The following CNTNAP2 variants were observed in gnomAD, a reference collection of about 807,000 sequenced individuals.
CNTNAP2 encodes contactin associated protein 2, also known as contactin-associated protein-like 2.
In CNTNAP2, 98 loss-of-function variants were observed where a neutral mutation model predicts 155.2. That is an observed-to-expected ratio of 0.63 (90% CI 0.54 to 0.75). CNTNAP2 has a LOEUF of 0.75. Among genes scored for constraint, CNTNAP2 ranks in the 30% least tolerant of loss-of-function variants. The pLI is 0.00. For synonymous variants in CNTNAP2, 651 were observed against 631.2 expected, an observed-to-expected ratio of 1.03 and a Z score of -0.47; for missense variants, 1,727 against 1,688.1, an observed-to-expected ratio of 1.02 and a Z score of -0.40.
At chr7:146,191,600 A>T (rs1798706419) in intron 1 of CNTNAP2, among the ~76,000 whole-genome samples, 1 of 152,082 alleles carries the variant, frequency 6.6e-6, no homozygotes, top group Non-Finnish European at 1.5e-5. Flanking sequence ...CCTTATCTTC[A>T]ACCGTATCAA....
chr7:147,269,270 T>G lies in CNTNAP2; in HGVS notation c.1349-30871T>G, dbSNP rs544698835. On this transcript the variant is annotated intron_variant, in intron 8 of 23. Coordinates refer to ENST00000361727, the MANE Select transcript of CNTNAP2 (RefSeq NM_014141.6). The stretch of plus-strand genomic sequence containing the variant: ...TCTTTTTATGTATCTAGGGTAACTT[T>G]TAGGTTAAGAAAATGTTTTATTTAG... Among the ~76,000 whole-genome samples the G allele has an allele frequency of 2.8e-4, 43 of 152,304 alleles. No homozygotes were observed. The South Asian group carries it at 5.2e-3, about 18-fold the overall frequency.
At chr7:147,732,429 T>A (rs1415197374) in intron 13 of CNTNAP2, among the ~76,000 whole-genome samples, 3 of 152,132 alleles carry the variant, frequency 2.0e-5, no homozygotes, top group African/African-American at 7.2e-5. Flanking sequence ...CTTAATCCAG[T>A]CTATCATTGT....
At chr7:146,222,022 G>A (rs2116898608) in intron 1 of CNTNAP2, among the ~76,000 whole-genome samples, 1 of 152,282 alleles carries the variant, frequency 6.6e-6, no homozygotes, top group Middle Eastern at 3.4e-3. Context: ...GAAAAGGAAG[G>A]AAGAAGGTTT....
At position 146,878,234 on chromosome 7, in the gene CNTNAP2, T is replaced by G. The variant is rs535983406; in HGVS notation, c.402+38330T>G. ...TTGGCAGGCTGCTGACTTCTGTCAGTGACATTAATTGACTTCTTGTCCTTG... is the reference window on the plus strand; with the variant it reads ...TTGGCAGGCTGCTGACTTCTGTCAGGGACATTAATTGACTTCTTGTCCTTG... On this transcript the variant is annotated intron_variant, in intron 3 of 23. Transcript: ENST00000361727. 2.0e-5 allele frequency among the ~76,000 whole-genome samples: 3 copies of G among 152,272 alleles called. No homozygotes were observed. The South Asian group carries it at 6.2e-4, about 32-fold the overall frequency.
intron 10 of CNTNAP2, among the ~76,000 whole-genome samples, chr7:147,417,644 T>C (rs2116501338): frequency 6.6e-6 from 1 of 152,352 alleles, no homozygotes; most frequent in African/African-American, 2.4e-5. Flanking sequence ...CTCATTTTTA[T>C]TCTTTCCTTT....
chr7:148,396,251 G>T (rs2530318), intron 22 of CNTNAP2, among the ~76,000 whole-genome samples: 151,027 of 152,276 alleles, frequency 0.99, 74,909 homozygotes, highest in East Asian at 1. Context: ...CCCATGAAAA[G>T]GGAGGCGAGT....
intron 1 of CNTNAP2, among the ~76,000 whole-genome samples, chr7:146,238,588 G>A (rs1229400614): frequency 6.6e-6 from 1 of 151,844 alleles, no homozygotes; most frequent in Non-Finnish European, 1.5e-5. Flanking sequence ...TTTTATGAGT[G>A]AGGAAAAAAA....
chr7:147,977,491 C>A (rs1801449245), intron 14 of CNTNAP2, among the ~76,000 whole-genome samples: 1 of 152,166 alleles, frequency 6.6e-6, no homozygotes, highest in African/African-American at 2.4e-5. Flanking sequence ...ACATATTATT[C>A]AAGCGACCAG....
At chr7:146,925,414 G>A (rs1410605840) in intron 3 of CNTNAP2, among the ~76,000 whole-genome samples, 2 of 151,832 alleles carry the variant, frequency 1.3e-5, no homozygotes, top group Non-Finnish European at 2.9e-5. Flanking sequence ...AATCAATGTT[G>A]GACATTATTA....
chr7:147,042,581 T>G (rs928188620), intron 3 of CNTNAP2, among the ~76,000 whole-genome samples: 1 of 152,130 alleles, frequency 6.6e-6, no homozygotes, highest in Non-Finnish European at 1.5e-5. Flanking sequence ...CTCTTTACTT[T>G]GTATGAGTAG....
At chr7:148,297,170 A>AAGGAAGGAAGGAAGGG (rs1797300896) in intron 21 of CNTNAP2, among the ~76,000 whole-genome samples, 1 of 141,898 alleles carries the variant, frequency 7.0e-6, no homozygotes, top group Non-Finnish European at 1.5e-5. Flanking sequence ...AGAGAAAAGG[A>AAGGAAGGAAGGAAGGG]AGGAAGGAAG....
intron 20 of CNTNAP2, among the ~76,000 whole-genome samples, chr7:148,266,308 T>C (rs1485236238): frequency 2.0e-5 from 3 of 152,086 alleles, no homozygotes; most frequent in Non-Finnish European, 4.4e-5. Context: ...ACATCTAGAC[T>C]GTATAGGTGG....
At chr7:146,701,939 TCAAAA>T (rs1800884971) in intron 1 of CNTNAP2, among the ~76,000 whole-genome samples, 1 of 152,156 alleles carries the variant, frequency 6.6e-6, no homozygotes, top group Admixed American at 6.6e-5. Flanking sequence ...GAATTTTGTG[TCAAAA>T]CAAAAGGAAG....
intron 1 of CNTNAP2, among the ~76,000 whole-genome samples, chr7:146,616,687 AC>A (rs996355512): frequency 3.9e-5 from 6 of 152,150 alleles, no homozygotes; most frequent in African/African-American, 1.4e-4. Flanking sequence ...TTGTCTGAAA[AC>A]ACCTAGTTTC....
At chr7:147,723,932 G>T (rs550712696) in intron 13 of CNTNAP2, among the ~76,000 whole-genome samples, 1 of 151,794 alleles carries the variant, frequency 6.6e-6, no homozygotes, top group African/African-American at 2.4e-5. Flanking sequence ...TAGTTTCAAG[G>T]CTTCTGCCAC....
At chr7:146,917,562 C>T (rs1326088414) in intron 3 of CNTNAP2, among the ~76,000 whole-genome samples, 1 of 152,014 alleles carries the variant, frequency 6.6e-6, no homozygotes, top group African/African-American at 2.4e-5. Flanking sequence ...GATATAATGT[C>T]CTTCTTTGTC....
At chr7:148,179,165 C>T (rs947135058) in intron 18 of CNTNAP2, among the ~76,000 whole-genome samples, 3 of 152,130 alleles carry the variant, frequency 2.0e-5, no homozygotes, top group Admixed American at 2.0e-4. Flanking sequence ...AGTTGGGTCA[C>T]CTTAGTAACT....
chr7:147,635,123 C>CACAGGGTCTATA (rs980842589), intron 12 of CNTNAP2, among the ~76,000 whole-genome samples: 2 of 151,214 alleles, frequency 1.3e-5, no homozygotes, highest in African/African-American at 4.9e-5. Context: ...AATCCCCATT[C>CACAGGGTCTATA]ACAGGGTCTA....
intron 15 of CNTNAP2, among the ~76,000 whole-genome samples, chr7:148,047,946 C>G (rs1802803393): frequency 6.6e-6 from 1 of 151,414 alleles, no homozygotes; most frequent in Non-Finnish European, 1.5e-5. Context: ...TGTTTTGAGA[C>G]AGAGTCTCGC....
Sources: gnomAD v4.1 joint callset for allele counts (sites outside exome capture counted in the v4.1 genomes callset) on GRCh38, gnomAD v4.1.1 for gene constraint, MANE v1.5 for transcripts, NCBI Gene and HGNC (gene_info 2026-07-23, HGNC 2026-07-21) for gene names.